POFUT3: variants seen among roughly 807,000 people sequenced by gnomAD.
The protein encoded by POFUT3 is protein O-fucosyltransferase 3, also known as GDP-fucose protein O-fucosyltransferase 3.
chr8:33,332,758 G>T, the POFUT3 span, among the ~76,000 whole-genome samples: 1 of 152,128 alleles, frequency 6.6e-6, no homozygotes, highest in Non-Finnish European at 1.5e-5. Flanking sequence ...GAGGAAGGAA[G>T]GGGCCTTAAC....
the POFUT3 span, among the ~76,000 whole-genome samples, chr8:33,465,117 C>A: frequency 6.6e-6 from 1 of 152,128 alleles, no homozygotes; most frequent in Non-Finnish European, 1.5e-5. Context: ...ATCACTATTT[C>A]TTTCCCTTGC....
the POFUT3 span, among the ~76,000 whole-genome samples, chr8:33,323,322 G>T: frequency 5.9e-5 from 9 of 152,188 alleles, no homozygotes; most frequent in Admixed American, 3.3e-4. Context: ...TTCGACCAAA[G>T]TTCTCGTACA....
the POFUT3 span, among the ~76,000 whole-genome samples, chr8:33,420,123 T>C: frequency 3.9e-5 from 6 of 152,128 alleles, no homozygotes; most frequent in African/African-American, 1.4e-4. Flanking sequence ...ACTGAGACCC[T>C]GTCTCAAAAA....
the POFUT3 span, among the ~76,000 whole-genome samples, chr8:33,448,866 G>A: frequency 3.3e-5 from 5 of 152,000 alleles, no homozygotes; most frequent in African/African-American, 7.2e-5. Flanking sequence ...TCTGGGAGGC[G>A]GAGGTTTCAG....
chr8:33,329,562 A>G, the POFUT3 span, among the ~76,000 whole-genome samples: 1 of 152,208 alleles, frequency 6.6e-6, no homozygotes, highest in South Asian at 2.1e-4. Context: ...GCAAAGGGAA[A>G]GTTAGACTGA....
At chr8:33,366,535 A>G in the POFUT3 span, among the ~76,000 whole-genome samples, 1 of 152,180 alleles carries the variant, frequency 6.6e-6, no homozygotes, top group Non-Finnish European at 1.5e-5. Context: ...AACTAAAAAC[A>G]TTATTCCATG....
chr8:33,340,879 A>G, the POFUT3 span, among the ~76,000 whole-genome samples: 1 of 152,218 alleles, frequency 6.6e-6, no homozygotes, highest in Non-Finnish European at 1.5e-5. Flanking sequence ...TGACAGAACA[A>G]CTAGACAGAA....
chr8:33,370,398 G>A, the POFUT3 span, among the ~76,000 whole-genome samples: 1 of 152,038 alleles, frequency 6.6e-6, no homozygotes, highest in African/African-American at 2.4e-5. Context: ...AAAATGTACT[G>A]AAGGGCTAAG....
chr8:33,325,561 C>T, the POFUT3 span, among the ~76,000 whole-genome samples: 1 of 152,140 alleles, frequency 6.6e-6, no homozygotes, highest in Non-Finnish European at 1.5e-5. Context: ...CTCAGTAAAA[C>T]TTCAACTGGG....
chr8:33,421,525 C>A, the POFUT3 span, among the ~76,000 whole-genome samples: 1 of 152,110 alleles, frequency 6.6e-6, no homozygotes, highest in African/African-American at 2.4e-5. Context: ...GGCCTTGGAA[C>A]CTGATCTTGA....
At chr8:33,380,015 G>A in the POFUT3 span, among the ~76,000 whole-genome samples, 2 of 53,488 alleles carry the variant, frequency 3.7e-5, no homozygotes, top group Non-Finnish European at 5.9e-5. Flanking sequence ...TATATATATA[G>A]TATATATATA....
chr8:33,388,181 A>T, the POFUT3 span, among the ~76,000 whole-genome samples: 3 of 152,156 alleles, frequency 2.0e-5, no homozygotes, highest in Non-Finnish European at 4.4e-5. Flanking sequence ...AGAAAGAGTA[A>T]ATATTAGAGC....
the POFUT3 span, among the ~76,000 whole-genome samples, chr8:33,313,443 C>T: frequency 1.1e-3 from 173 of 152,262 alleles, no homozygotes; most frequent in Non-Finnish European, 2.2e-3. Context: ...TCATAATCTT[C>T]GCCCTCTTTG....
At chr8:33,389,439 A>T in the POFUT3 span, 1 of 1,614,244 alleles carries the variant, frequency 6.2e-7, no homozygotes, top group Non-Finnish European at 8.5e-7. Context: ...TTTCGTAAAC[A>T]TTCACCATAG....
the POFUT3 span, among the ~76,000 whole-genome samples, chr8:33,326,452 A>T: frequency 6.6e-6 from 1 of 152,212 alleles, no homozygotes; most frequent in East Asian, 1.9e-4. Context: ...TCAGTATTAC[A>T]TATAGCTCAT....
At chr8:33,343,701 T>A in the POFUT3 span, among the ~76,000 whole-genome samples, 1 of 152,364 alleles carries the variant, frequency 6.6e-6, no homozygotes, top group South Asian at 2.1e-4. Context: ...CTTGTTCAGT[T>A]ATTTTTTACA....
At chr8:33,463,290 A>AGGCG in the POFUT3 span, among the ~76,000 whole-genome samples, 1 of 152,124 alleles carries the variant, frequency 6.6e-6, no homozygotes, top group Non-Finnish European at 1.5e-5. Flanking sequence ...GGATCACTTA[A>AGGCG]GGCAAGGAGT....
At chr8:33,309,619 A>C in the POFUT3 span, among the ~76,000 whole-genome samples, 2 of 152,102 alleles carry the variant, frequency 1.3e-5, no homozygotes, top group Non-Finnish European at 2.9e-5. Context: ...ATGAATCCTC[A>C]GGTCCTTGTT....
At chr8:33,344,499 C>T in the POFUT3 span, among the ~76,000 whole-genome samples, 2 of 152,238 alleles carry the variant, frequency 1.3e-5, no homozygotes, top group Admixed American at 1.3e-4. Flanking sequence ...ACAGAGCCCC[C>T]TCTGAAAGCT....
Sources: allele counts gnomAD v4.1 joint callset (sites outside exome capture counted in the v4.1 genomes callset), GRCh38; gene constraint gnomAD v4.1.1; transcripts MANE v1.5; gene names NCBI Gene and HGNC (gene_info 2026-07-23, HGNC 2026-07-21).